RANBP17: variants seen among roughly 807,000 people sequenced by gnomAD.
The protein encoded by RANBP17 is ran-binding protein 17.
Under a neutral mutation model 141.2 loss-of-function variants are expected in RANBP17, and 158 were observed. That is an observed-to-expected ratio of 1.12 (90% CI 0.98 to 1.28). The LOEUF (loss-of-function observed/expected upper bound fraction) is 1.28. Among genes scored for constraint, RANBP17 ranks in the 50% most tolerant of loss-of-function variants. The pLI is 0.00. For synonymous variants in RANBP17, 430 were observed against 450.0 expected, an observed-to-expected ratio of 0.96 and a Z score of 0.56; for missense variants, 1,438 against 1,290.7, an observed-to-expected ratio of 1.11 and a Z score of -1.75.
intron 24 of RANBP17, among the ~76,000 whole-genome samples, chr5:171,263,151 A>C (rs977718567): frequency 1.3e-5 from 2 of 152,190 alleles, no homozygotes; most frequent in African/African-American, 4.8e-5. Flanking sequence ...TCAGGCATAC[A>C]TATGTCTCAG....
At chr5:171,170,876 A>G (rs968538824) in intron 15 of RANBP17, among the ~76,000 whole-genome samples, 1 of 152,090 alleles carries the variant, frequency 6.6e-6, no homozygotes, top group African/African-American at 2.4e-5. Flanking sequence ...GTGAGCCTCT[A>G]TTTGGCTTTC....
At chr5:171,254,050 A>G (rs1278815229) in intron 24 of RANBP17, among the ~76,000 whole-genome samples, 1 of 152,166 alleles carries the variant, frequency 6.6e-6, no homozygotes, top group Non-Finnish European at 1.5e-5. Flanking sequence ...GATCGAGACC[A>G]TCCTGGCTAA....
intron 22 of RANBP17, among the ~76,000 whole-genome samples, chr5:171,238,820 A>G (rs966344168): frequency 5.3e-5 from 8 of 152,166 alleles, no homozygotes; most frequent in African/African-American, 9.6e-5. Flanking sequence ...GGCAACTTCA[A>G]TTATCCTTCA....
intron 20 of RANBP17, chr5:171,206,712 G>A (rs1762599138): frequency 1.1e-5 from 2 of 179,416 alleles, no homozygotes; most frequent in South Asian, 4.0e-4. Context: ...AACTAATAGG[G>A]GATCTAGGCA....
Position 171,186,526 on chromosome 5 carries a change from CTTTTTTTTT to C in RANBP17, c.2038+3116_2038+3124del, listed in dbSNP as rs757585137. 9.7e-3 allele frequency among the ~76,000 whole-genome samples: 406 copies of C among 41,654 alleles called. 4 individuals carry two copies. Among genetic ancestry groups the C allele is most frequent in the African/African-American group, 0.031 (345 of 11,268 alleles). The allele number at this position is 41,654 out of a possible 152,430, so 27.3% of individuals were successfully genotyped here. A position where few individuals can be genotyped will look rare whatever the true frequency, so the allele number is the denominator to read the frequency against. On this transcript the variant is annotated intron_variant, in intron 18 of 27. Coordinates refer to ENST00000523189, the MANE Select transcript of RANBP17 (RefSeq NM_022897.5). ...GAAATGTTATCACTGGTATGATTTT[CTTTTTTTTT>C]TTTTTTTTTTTTTTTTTTTGAGACG...
intron 1 of RANBP17, 25 bp downstream of exon 1, chr5:170,862,076 CCG>C (rs1766828042): frequency 6.9e-7 from 1 of 1,445,256 alleles, no homozygotes; most frequent in Non-Finnish European, 9.0e-7. Flanking sequence ...CGCCGCGGGC[CCG>C]CGCTCCGCCA....
intron 24 of RANBP17, 41 bp downstream of exon 24, chr5:171,242,861 G>A (rs1764977807): frequency 6.3e-7 from 1 of 1,580,772 alleles, no homozygotes; most frequent in Non-Finnish European, 8.7e-7. Context: ...GGAAAAACTT[G>A]ATTATGGGCT....
At chr5:171,179,005 G>C (rs998460074) in intron 16 of RANBP17, among the ~76,000 whole-genome samples, 4 of 152,134 alleles carry the variant, frequency 2.6e-5, no homozygotes, top group African/African-American at 7.2e-5. Flanking sequence ...TTCTTTGGCT[G>C]TGCAGAAGCT....
At chr5:171,032,592 G>T (rs1248899725) in intron 14 of RANBP17, among the ~76,000 whole-genome samples, 4 of 152,026 alleles carry the variant, frequency 2.6e-5, no homozygotes, top group African/African-American at 9.7e-5. Context: ...AAATATAGAG[G>T]TTGTTAGTAA....
intron 11 of RANBP17, among the ~76,000 whole-genome samples, chr5:170,921,960 T>G (rs574089724): frequency 6.6e-6 from 1 of 152,332 alleles, no homozygotes; most frequent in East Asian, 1.9e-4. Flanking sequence ...TCCCCATCTT[T>G]ATGGTTTTAT....
chr5:170,992,362 G>A (rs1361872606), intron 14 of RANBP17, among the ~76,000 whole-genome samples: 3 of 151,982 alleles, frequency 2.0e-5, no homozygotes, highest in Non-Finnish European at 2.9e-5. Flanking sequence ...TGTAATCAGT[G>A]TGTTATGCCA....
intron 7 of RANBP17, 135 bp downstream of exon 7, chr5:170,911,269 T>C: frequency 2.9e-6 from 2 of 679,136 alleles, no homozygotes; most frequent in South Asian, 4.0e-5. Context: ...CTGAAGTAGC[T>C]GCTGATAGCT....
At chr5:170,911,162 C>T in intron 7 of RANBP17, 28 bp downstream of exon 7, 1 of 1,599,406 alleles carries the variant, frequency 6.3e-7, no homozygotes, top group Non-Finnish European at 8.6e-7. Context: ...TATGAAGGGT[C>T]ATCAACATAA....
At chr5:170,975,351 A>G (rs1398699761) in intron 14 of RANBP17, among the ~76,000 whole-genome samples, 1 of 152,130 alleles carries the variant, frequency 6.6e-6, no homozygotes, top group Non-Finnish European at 1.5e-5. Context: ...CAATATGGTG[A>G]AACACTGTCT....
intron 14 of RANBP17, among the ~76,000 whole-genome samples, chr5:171,050,458 A>T (rs1484229178): frequency 6.6e-6 from 1 of 152,168 alleles, no homozygotes; most frequent in Non-Finnish European, 1.5e-5. Flanking sequence ...TATGTGGCTC[A>T]CATCTTTAAT....
At chr5:171,000,881 C>G (rs569531667) in intron 14 of RANBP17, among the ~76,000 whole-genome samples, 105 of 152,190 alleles carry the variant, frequency 6.9e-4, no homozygotes, top group Admixed American at 6.1e-3. Flanking sequence ...GTACATTCAT[C>G]AGTTAGGGTG....
chr5:171,278,893 C>A (rs992972233), intron 25 of RANBP17, among the ~76,000 whole-genome samples: 4 of 152,170 alleles, frequency 2.6e-5, no homozygotes, highest in African/African-American at 9.7e-5. Flanking sequence ...ATTCGATAAA[C>A]ACGTAAAATT....
At chr5:170,893,669 T>C (rs2127387079) in intron 4 of RANBP17, among the ~76,000 whole-genome samples, 1 of 152,032 alleles carries the variant, frequency 6.6e-6, no homozygotes, top group South Asian at 2.1e-4. Flanking sequence ...GGCGGGCGCC[T>C]GTAGTCCCAG....
intron 14 of RANBP17, among the ~76,000 whole-genome samples, chr5:171,104,857 G>T (rs990076244): frequency 6.6e-6 from 1 of 152,142 alleles, no homozygotes; most frequent in Non-Finnish European, 1.5e-5. Context: ...TTCTGTTGAT[G>T]ATGTTGTCAT....
Sources: gnomAD v4.1 joint callset for allele counts (sites outside exome capture counted in the v4.1 genomes callset) on GRCh38, gnomAD v4.1.1 for gene constraint, MANE v1.5 for transcripts, NCBI Gene and HGNC (gene_info 2026-07-23, HGNC 2026-07-21) for gene names.